Variants in ZCCHC9 observed in about 807,000 individuals in gnomAD.
ZCCHC9 encodes the protein zinc finger CCHC domain-containing protein 9.
ZCCHC9 carries 18 observed loss-of-function variants against 30.8 expected under a neutral mutation model. That is an observed-to-expected ratio of 0.58 (90% CI 0.40 to 0.87). The LOEUF is 0.87. ZCCHC9 is among the 40% of genes least tolerant of loss of function. The pLI is 0.00. For synonymous variants in ZCCHC9, 94 were observed against 106.7 expected (o/e 0.88, Z 0.73); for missense variants, 279 against 331.2 (o/e 0.84, Z 1.22).
chr5:81,304,635 T>C (rs1309161966), intron 1 of ZCCHC9, 106 bp from the exon 2 acceptor site: 6 of 950,384 alleles, frequency 6.3e-6, no homozygotes, highest in Non-Finnish European at 9.0e-6. Context: ...ATTAAAAGTT[T>C]AACATATGGG....
intron 4 of ZCCHC9, among the ~76,000 whole-genome samples, chr5:81,309,698 C>T (rs1306326097): frequency 2.0e-5 from 3 of 152,170 alleles, no homozygotes; most frequent in Non-Finnish European, 4.4e-5. Flanking sequence ...ACTTGGGTTA[C>T]AGCGCCAGCA....
chr5:81,308,566 T>C lies in ZCCHC9; in HGVS notation c.390T>C (p.Cys130=). The change falls in exon 3 of 6, where the codon TGT becomes TGC. Residue 130 remains cysteine, a synonymous_variant. Transcript: ENST00000407610. The part of the protein sequence containing the change: ...RQAAKKNAMV[C]FHCRKPGHGI... ...CCTACGTTTTGTTTTCCTAGGTGTG[T>C]TTCCATTGTAGAAAACCTGGTCATG... 3 of 1,611,234 alleles carry C rather than the reference T, an allele frequency of 1.9e-6. No individual in the cohort carries two copies. The highest frequency in any genetic ancestry group is 2.5e-6 in the Non-Finnish European group (3 of 1,179,032).
intron 4 of ZCCHC9, 95 bp from the exon 5 acceptor site, chr5:81,311,116 G>A (rs1758268850): frequency 8.1e-7 from 1 of 1,241,054 alleles, no homozygotes; most frequent in Non-Finnish European, 1.2e-6. Context: ...AACTGACAGG[G>A]TTGTGAGGAT....
chr5:81,307,876 T>C (rs1454070443), intron 2 of ZCCHC9, among the ~76,000 whole-genome samples: 1 of 150,096 alleles, frequency 6.7e-6, no homozygotes, highest in Non-Finnish European at 1.5e-5. Context: ...ACACCTGTAA[T>C]CCCAGCTACT....
rs33971441 is a variant in ZCCHC9, at chr5:81,305,595, C to CAAA, written c.384+469_384+471dup. Among the ~76,000 whole-genome samples, 847 of 132,906 alleles carry CAAA rather than the reference C, an allele frequency of 6.4e-3. 13 individuals carry two copies. The highest frequency in any genetic ancestry group is 0.021 in the African/African-American group (776 of 36,190). 87.2% of individuals were successfully genotyped at this position (132,906 alleles called of 152,430 possible). A position where few individuals can be genotyped will look rare whatever the true frequency, so the allele number is the denominator to read the frequency against. On this transcript the variant is annotated intron_variant, in intron 2 of 5. Transcript: ENST00000407610. Reference sequence around the variant, plus strand: ...CCACATAGGGAGACGCCATGTCTACCAAAAAAAAAAAAAAAAATTAGCCAG... The same window carrying CAAA: ...CCACATAGGGAGACGCCATGTCTACCAAAAAAAAAAAAAAAAAAAATTAGCCAG...
Position 81,311,407 on chromosome 5 carries a change from C to T in ZCCHC9, c.697+128C>T, listed in dbSNP as rs571255055. On this transcript the variant is annotated intron_variant, in intron 5 of 5. Transcript: ENST00000407610. Reference sequence around the variant, plus strand: ...AAGACAACCTGTTTTCCTACTGTAGCAATGACTTAATCTCTGTCAGCAATA... The same window carrying T: ...AAGACAACCTGTTTTCCTACTGTAGTAATGACTTAATCTCTGTCAGCAATA... 37 of 968,656 alleles carry T rather than the reference C, an allele frequency of 3.8e-5. No homozygotes were observed. In the African/African-American group the frequency reaches 6.0e-4, roughly 16 times the overall value. The allele number at this position is 968,656 out of a possible 1,614,324, so 60.0% of individuals were successfully genotyped here.
Position 81,312,535 on chromosome 5 carries a change from C to T in ZCCHC9, c.698-9C>T. On this transcript the variant is annotated splice_polypyrimidine_tract_variant and intron_variant, in intron 5 of 5. Transcript: ENST00000407610. ...TTTCTAACATTCTGATTTTTCTATTCCTTTACAGAGCGAATGGTCACAGTT... is the reference window on the plus strand; with the variant it reads ...TTTCTAACATTCTGATTTTTCTATTTCTTTACAGAGCGAATGGTCACAGTT... 1 of 1,603,468 alleles carries T rather than the reference C, an allele frequency of 6.2e-7. No homozygotes were observed. Among genetic ancestry groups the T allele is most frequent in the Non-Finnish European group, 8.5e-7 (1 of 1,173,012 alleles).
At chr5:81,309,233 T>C (rs1758192287) in intron 4 of ZCCHC9, 195 bp downstream of exon 4, 1 of 450,514 alleles carries the variant, frequency 2.2e-6, no homozygotes, top group East Asian at 3.4e-5. Flanking sequence ...ATAAAACAAA[T>C]CAGAAAAAAC....
chr5:81,303,691 G>C (rs1172890681), intron 1 of ZCCHC9: 1 of 152,182 alleles, frequency 6.6e-6, no homozygotes, highest in Non-Finnish European at 1.5e-5. Context: ...TCCCAGGTTT[G>C]TTTACACCAG....
At chr5:81,305,515 T>C (rs927288387) in intron 2 of ZCCHC9, among the ~76,000 whole-genome samples, 2 of 151,144 alleles carry the variant, frequency 1.3e-5, no homozygotes, top group African/African-American at 2.4e-5. Context: ...CCCAGCACTT[T>C]AGGAAGCTGA....
In ZCCHC9 at chr5:81,305,146, G is replaced by T; in HGVS notation, c.384+5G>T. 6.3e-7 allele frequency: 1 copy of T among 1,585,440 alleles called. No individual in the cohort carries two copies. The highest frequency in any genetic ancestry group is 2.2e-5 in the East Asian group (1 of 44,780). On this transcript the variant is annotated splice_donor_5th_base_variant and intron_variant, in intron 2 of 5. Coordinates refer to ENST00000407610, the MANE Select transcript of ZCCHC9 (RefSeq NM_001131035.2). ...GCGGCAAAGAAAAATGCAATGGTGAGAGCATCACTTCTACCATGTTATTTA... is the reference window on the plus strand; with the variant it reads ...GCGGCAAAGAAAAATGCAATGGTGATAGCATCACTTCTACCATGTTATTTA...
chr5:81,305,878 A>G (rs980674346), intron 2 of ZCCHC9, among the ~76,000 whole-genome samples: 1 of 152,224 alleles, frequency 6.6e-6, no homozygotes, highest in Non-Finnish European at 1.5e-5. Context: ...GTGGGTCCCT[A>G]TTACTTGGAA....
intron 4 of ZCCHC9, among the ~76,000 whole-genome samples, chr5:81,309,389 C>T (rs568688897): frequency 1.3e-5 from 2 of 152,258 alleles, no homozygotes; most frequent in East Asian, 3.9e-4. Flanking sequence ...CAGCCTCAGC[C>T]AGCATATCAT....
In ZCCHC9 at chr5:81,301,707, C is replaced by G. The variant is rs1004949882; in HGVS notation, c.-18+9C>G. 2.0e-5 allele frequency: 3 copies of G among 152,528 alleles called. No homozygotes were observed. Among genetic ancestry groups the G allele is most frequent in the Non-Finnish European group, 4.4e-5 (3 of 68,284 alleles). The allele number at this position is 152,528 out of a possible 1,614,324, so 9.4% of individuals were successfully genotyped here. A position where few individuals can be genotyped will look rare whatever the true frequency, so the allele number is the denominator to read the frequency against. On this transcript the variant is annotated intron_variant, in intron 1 of 5. Transcript: ENST00000407610. ...CGCGGTAGCGCGGTGAGGTGAGGTT[C>G]TCAGCCACCAAAGCTGCAGGGTCTC...
chr5:81,306,086 G>T (rs767999513), intron 2 of ZCCHC9, among the ~76,000 whole-genome samples: 16 of 152,176 alleles, frequency 1.1e-4, no homozygotes, highest in Non-Finnish European at 2.2e-4. Context: ...AGATTTTAAA[G>T]TATGTCAGGC....
chr5:81,307,380 GGC>G (rs1234884727), intron 2 of ZCCHC9, among the ~76,000 whole-genome samples: 2 of 152,178 alleles, frequency 1.3e-5, no homozygotes, highest in African/African-American at 4.8e-5. Context: ...GAATGTGTAT[GGC>G]TGGGTGTGGT....
chr5:81,309,568 GGTT>G (rs1397409703), intron 4 of ZCCHC9, among the ~76,000 whole-genome samples: 3 of 152,184 alleles, frequency 2.0e-5, no homozygotes, highest in African/African-American at 2.4e-5. Flanking sequence ...TTAAGGCGGA[GGTT>G]GTTATCTGTT....
intron 2 of ZCCHC9, 106 bp from the exon 3 acceptor site, chr5:81,308,455 T>C (rs1758152940): frequency 1.5e-6 from 2 of 1,339,368 alleles, no homozygotes; most frequent in Non-Finnish European, 2.0e-6. Flanking sequence ...TTCAGAAAAA[T>C]AGCTTAATAA....
chr5:81,301,638 G>T lies in ZCCHC9; in HGVS notation c.-78G>T, dbSNP rs1214198576. On this transcript the variant is annotated 5_prime_UTR_variant, in exon 1 of 6. Coordinates refer to ENST00000407610, the MANE Select transcript of ZCCHC9 (RefSeq NM_001131035.2). ...GCAGGAGGGCGGTCTTCCCCGGCTC[G>T]CCAACTCGGCTGCTCTGGGGGATTC... is the stretch of plus-strand genomic sequence containing the variant. The T allele has an allele frequency of 6.6e-6, 1 of 152,362 alleles. No individual in the cohort carries two copies. The highest frequency in any genetic ancestry group is 2.4e-5 in the African/African-American group (1 of 41,466). 9.4% of individuals were successfully genotyped at this position (152,362 alleles called of 1,614,324 possible).
Sources: gnomAD v4.1 joint callset for allele counts (sites outside exome capture counted in the v4.1 genomes callset) on GRCh38, gnomAD v4.1.1 for gene constraint, MANE v1.5 for transcripts, NCBI Gene and HGNC (gene_info 2026-07-23, HGNC 2026-07-21) for gene names.